Variants in DTX4 observed in about 807,000 individuals in gnomAD.
DTX4 encodes the protein deltex E3 ubiquitin ligase 4, also known as E3 ubiquitin-protein ligase DTX4.
In DTX4, 28 loss-of-function variants were observed where a neutral mutation model predicts 57.6. The observed-to-expected ratio is 0.49, with a 90% CI of 0.36 to 0.67. The LOEUF (loss-of-function observed/expected upper bound fraction) is 0.67, where lower values mean the gene tolerates loss of function less well. DTX4 is among the 30% of genes least tolerant of loss of function. The pLI is 0.00. For synonymous variants in DTX4, 316 were observed against 331.0 expected (o/e 0.95, Z 0.49); for missense variants, 715 against 836.8 (o/e 0.85, Z 1.80).
intron 4 of DTX4, among the ~76,000 whole-genome samples, chr11:59,190,895 G>A (rs1484500587): frequency 6.6e-6 from 1 of 152,184 alleles, no homozygotes; most frequent in East Asian, 1.9e-4. Flanking sequence ...TGTCAGAAAA[G>A]GGACTGCAAG....
chr11:59,171,695 A>G (rs1240188873), upstream of DTX4, among the ~76,000 whole-genome samples: 5 of 152,058 alleles, frequency 3.3e-5, no homozygotes, highest in Admixed American at 1.3e-4. Flanking sequence ...GGATGAGGTA[A>G]TAGGAGCCGG....
At chr11:59,191,993 T>G (rs1862604610) in intron 5 of DTX4, 105 bp from the exon 6 acceptor site, 1 of 1,335,696 alleles carries the variant, frequency 7.5e-7, no homozygotes, top group Admixed American at 2.4e-5. Context: ...GTGGGTGTTT[T>G]AGAAGAGAAG....
chr11:59,192,350 A>T, intron 6 of DTX4, 100 bp downstream of exon 6: 1 of 1,436,444 alleles, frequency 7.0e-7, no homozygotes, highest in Non-Finnish European at 9.7e-7. Context: ...GTGATCTGGG[A>T]AGTCTTAGAG....
chr11:59,199,632 T>C (rs927678144), intron 7 of DTX4, 52 bp from the exon 8 acceptor site: 2 of 1,377,126 alleles, frequency 1.5e-6, no homozygotes, highest in Non-Finnish European at 2.0e-6. Flanking sequence ...ACCCCGCTCT[T>C]ATCAGAAATA....
chr11:59,182,321 T>C lies in DTX4; in HGVS notation c.794T>C (p.Met265Thr), dbSNP rs1456439665. 2 of 1,612,918 alleles carry C rather than the reference T, an allele frequency of 1.2e-6. No homozygotes were observed. Among genetic ancestry groups the C allele is most frequent in the East Asian group, 2.2e-5 (1 of 44,874 alleles). ...SQVIRRQASS[M>T]PTGTTMGSPA... is the part of the protein sequence containing the mutation. The stretch of plus-strand genomic sequence containing the variant: ...GTGATCCGGAGACAAGCCTCCAGCA[T>C]GCCCACTGGGACAACCATGGGCTCT... Residue 265 changes from methionine (M) to threonine (T), a missense_variant, in exon 2 of 9, where the codon ATG becomes ACG. By Grantham distance (81) the Met-to-Thr change is moderately conservative. Transcript: ENST00000227451.
rs1470669496 is a variant in DTX4, at chr11:59,172,637, C to T, written c.42C>T (p.Asn14=). ...ASAVVVWEWL[N]EHGRWRPYSP... ...CCGTGGTGGTCTGGGAATGGCTGAA[C>T]GAGCACGGCCGCTGGCGTCCCTACA... Residue 14 remains asparagine, a synonymous_variant, in exon 1 of 9, where the codon AAC becomes AAT. Coordinates refer to ENST00000227451, the MANE Select transcript of DTX4 (RefSeq NM_015177.2). 6 of 1,588,486 alleles carry T rather than the reference C, an allele frequency of 3.8e-6. No individual in the cohort carries two copies. Among genetic ancestry groups the T allele is most frequent in the South Asian group, 1.1e-5 (1 of 88,878 alleles).
chr11:59,189,344 G>T (rs1163510104), intron 4 of DTX4, 21 bp downstream of exon 4: 2 of 1,512,950 alleles, frequency 1.3e-6, no homozygotes, highest in Non-Finnish European at 1.8e-6. Context: ...CTTGTCTCGT[G>T]GGGTACTGAG....
rs937968722 is a variant in DTX4, at chr11:59,204,847, G to A, written c.1798G>A (p.Val600Met). The stretch of plus-strand genomic sequence containing the variant: ...CCCAGATGCCAATTACCTGGATAAT[G>A]TGCTGGCTGAACTGGCTGCCCAGGG... ...GYPDANYLDN[V>M]LAELAAQGIS... is the part of the protein sequence containing the mutation. Residue 600 changes from valine to methionine, a missense_variant, in exon 9 of 9, where the codon GTG becomes ATG. By Grantham distance (21) the Val-to-Met change is conservative. Coordinates refer to ENST00000227451, the MANE Select transcript of DTX4 (RefSeq NM_015177.2). 6.2e-7 allele frequency: 1 copy of A among 1,607,784 alleles called. No individual in the cohort carries two copies. Among genetic ancestry groups the A allele is most frequent in the Non-Finnish European group, 8.5e-7 (1 of 1,176,906 alleles).
rs764887811 is a variant in DTX4 at position 59,181,756 on chromosome 11, C to T, written c.229C>T (p.Arg77Cys). 9 of 1,605,104 alleles carry T rather than the reference C, an allele frequency of 5.6e-6. No homozygotes were observed. The highest frequency in any genetic ancestry group is 3.3e-5 in the Admixed American group (2 of 59,714). ...RQDTGTLRPV[R>C]RNYYDPSSAP... ...CCTGGCAGGAACTCTCCGCCCAGTT[C>T]GCCGCAACTACTACGACCCCTCCTC... Residue 77 changes from arginine to cysteine, a missense_variant, in exon 2 of 9, where the codon CGC (arginine) becomes TGC (cysteine). Coordinates refer to ENST00000227451, the MANE Select transcript of DTX4 (RefSeq NM_015177.2).
In DTX4 at chr11:59,172,727, G is replaced by A. The variant is rs1384415774; in HGVS notation, c.132G>A (p.Val44=). 6 of 1,604,536 alleles carry A rather than the reference G, an allele frequency of 3.7e-6. No individual in the cohort carries two copies. The highest frequency in any genetic ancestry group is 2.2e-5 in the East Asian group (1 of 44,470). ...CCGGCCCCCGCGCGGGGGGCAGCGT[G>A]GTGCTGGGCCAGGTGGACAGCCGTC... ...VRAGPRAGGS[V]VLGQVDSRLA... Residue 44 remains valine (V), a synonymous_variant, in exon 1 of 9, where the codon GTG becomes GTA. Transcript: ENST00000227451.
At chr11:59,201,632 C>T (rs573921568) in intron 8 of DTX4, among the ~76,000 whole-genome samples, 38 of 152,292 alleles carry the variant, frequency 2.5e-4, no homozygotes, top group Middle Eastern at 3.4e-3. Flanking sequence ...AGGTGGCAGG[C>T]AGGTATTTTG....
At position 59,172,386 on chromosome 11, in the gene DTX4, TC is replaced by T; in HGVS notation, c.-207del. On this transcript the variant is annotated 5_prime_UTR_variant, in exon 1 of 9. It introduces an in-frame stop codon into an upstream open reading frame of the 5' UTR. Transcript: ENST00000227451. ...CCCCGGCGGCGGCGGCGGCGCGCGG[TC>T]CCAGCCAGGCGGCCCCGGTGTCCCG... is the stretch of plus-strand genomic sequence containing the variant. The T allele has an allele frequency of 5.9e-6, 1 of 169,838 alleles. No homozygotes were observed. Among genetic ancestry groups the T allele is most frequent in the Non-Finnish European group, 1.2e-5 (1 of 81,672 alleles). 10.5% of individuals were successfully genotyped at this position (169,838 alleles called of 1,614,324 possible).
At position 59,202,793 on chromosome 11, in the gene DTX4, A is replaced by T. The variant is rs182184934; in HGVS notation, c.1627-1883A>T. The stretch of plus-strand genomic sequence containing the variant: ...TGAGAGTCCAGTTTTCTGTCATTTA[A>T]TGACAGGGATATCATTATTATTAGA... On this transcript the variant is annotated intron_variant, in intron 8 of 8. Transcript: ENST00000227451. Among the ~76,000 whole-genome samples the T allele has an allele frequency of 7.9e-4, 121 of 152,314 alleles. 3 individuals are homozygous for T. The highest frequency in any genetic ancestry group is 2.2e-3 in the Admixed American group (34 of 15,298).
At chr11:59,202,235 A>G (rs1048481919) in intron 8 of DTX4, among the ~76,000 whole-genome samples, 2 of 152,140 alleles carry the variant, frequency 1.3e-5, no homozygotes, top group African/African-American at 2.4e-5. Flanking sequence ...CAGGACCCTA[A>G]CCTTGGGCTT....
intron 6 of DTX4, among the ~76,000 whole-genome samples, chr11:59,194,252 C>A (rs1315244092): frequency 6.6e-6 from 1 of 152,190 alleles, no homozygotes; most frequent in Non-Finnish European, 1.5e-5. Flanking sequence ...AGGCCATTGT[C>A]AGAAGCTAAA....
chr11:59,204,955 C>T lies in DTX4; in HGVS notation c.*46C>T. On this transcript the variant is annotated 3_prime_UTR_variant, in exon 9 of 9. Coordinates refer to ENST00000227451, the MANE Select transcript of DTX4 (RefSeq NM_015177.2). ...GGGAGGGGCCATGGAGACTGCAGGACAGGAAGTGAGGAGAGTGAGTCAATG... is the reference window on the plus strand; with the variant it reads ...GGGAGGGGCCATGGAGACTGCAGGATAGGAAGTGAGGAGAGTGAGTCAATG... 6.7e-7 allele frequency: 1 copy of T among 1,502,940 alleles called. No homozygotes were observed. Among genetic ancestry groups the T allele is most frequent in the Non-Finnish European group, 9.1e-7 (1 of 1,103,612 alleles). 93.1% of individuals were successfully genotyped at this position (1,502,940 alleles called of 1,614,324 possible).
chr11:59,202,623 A>G (rs544912110), intron 8 of DTX4, among the ~76,000 whole-genome samples: 1 of 152,302 alleles, frequency 6.6e-6, no homozygotes, highest in African/African-American at 2.4e-5. Context: ...CTGAGAGTCA[A>G]CAGAGTGGTG....
chr11:59,199,193 A>C (rs1402022064), intron 7 of DTX4, among the ~76,000 whole-genome samples: 2 of 152,226 alleles, frequency 1.3e-5, no homozygotes, highest in African/African-American at 4.8e-5. Flanking sequence ...GAGTAGTTAA[A>C]AATCCAGAGT....
In DTX4 at chr11:59,189,243, C is replaced by G. The variant is rs754106220; in HGVS notation, c.1079C>G (p.Pro360Arg). Reference protein sequence around the residue: ...RPPKLVLHPPPVSKSEIKSIP... With the variant: ...RPPKLVLHPPRVSKSEIKSIP... ...CCAAAGCTGGTCCTACACCCACCCC[C>G]CGTCAGCAAGAGTGAAATAAAATCC... Residue 360 changes from proline to arginine, a missense_variant, in exon 4 of 9, where the codon CCC becomes CGC. Pro to Arg is a moderately radical substitution (Grantham distance 103, BLOSUM62 -2). Transcript: ENST00000227451. The G allele has an allele frequency of 6.2e-7, 1 of 1,611,502 alleles. No individual in the cohort carries two copies. The highest frequency in any genetic ancestry group is 1.1e-5 in the South Asian group (1 of 90,538).
Sources: gnomAD v4.1 joint callset for allele counts (sites outside exome capture counted in the v4.1 genomes callset) on GRCh38, gnomAD v4.1.1 for gene constraint, MANE v1.5 for transcripts, NCBI Gene and HGNC (gene_info 2026-07-23, HGNC 2026-07-21) for gene names.